The following ST6GALNAC3 variants were observed in gnomAD, a reference collection of about 807,000 sequenced individuals.
ST6GALNAC3 encodes ST6 N-acetylgalactosaminide alpha-2,6-sialyltransferase 3.
ST6GALNAC3 carries 25 observed loss-of-function variants against 32.7 expected under a neutral mutation model. The observed-to-expected ratio is 0.76, with a 90% CI of 0.56 to 1.07. The LOEUF is 1.07. ST6GALNAC3 is among the 50% of genes least tolerant of loss of function. The probability of loss-of-function intolerance (pLI) is 0.00; values close to 1 mark genes in which losing one functional copy is unlikely to be tolerated. For synonymous variants in ST6GALNAC3, 129 were observed against 133.1 expected (o/e 0.97, Z 0.21); for missense variants, 355 against 382.4 (o/e 0.93, Z 0.60).
intron 1 of ST6GALNAC3, among the ~76,000 whole-genome samples, chr1:76,076,257 T>G (rs1012709986): frequency 3.9e-5 from 6 of 152,198 alleles, no homozygotes; most frequent in Non-Finnish European, 8.8e-5. Context: ...GCTGGCCATC[T>G]TTTTCTGTTT....
At chr1:76,358,637 C>G (rs1467146326) in intron 2 of ST6GALNAC3, among the ~76,000 whole-genome samples, 1 of 152,156 alleles carries the variant, frequency 6.6e-6, no homozygotes, top group African/African-American at 2.4e-5. Flanking sequence ...CTTCACTCCT[C>G]TACAGTTACC....
At chr1:76,475,025 T>C (rs1250002059) in intron 3 of ST6GALNAC3, among the ~76,000 whole-genome samples, 1 of 152,174 alleles carries the variant, frequency 6.6e-6, no homozygotes, top group Non-Finnish European at 1.5e-5. Context: ...TTTCCATTTA[T>C]GGGATCTTAG....
At chr1:76,475,902 T>G (rs1349758861) in intron 3 of ST6GALNAC3, among the ~76,000 whole-genome samples, 4 of 152,218 alleles carry the variant, frequency 2.6e-5, no homozygotes, top group Non-Finnish European at 5.9e-5. Flanking sequence ...CACTGTGTCC[T>G]TCTGTTCTCA....
At chr1:76,201,540 C>T (rs1654518289) in intron 1 of ST6GALNAC3, among the ~76,000 whole-genome samples, 1 of 152,080 alleles carries the variant, frequency 6.6e-6, no homozygotes, top group Non-Finnish European at 1.5e-5. Context: ...ATAGGTGGTC[C>T]TATGGCTAGA....
At chr1:76,514,969 T>C (rs1299953280) in intron 3 of ST6GALNAC3, among the ~76,000 whole-genome samples, 1 of 152,164 alleles carries the variant, frequency 6.6e-6, no homozygotes, top group African/African-American at 2.4e-5. Context: ...TATTGGACTT[T>C]AGTTTTCTTT....
intron 1 of ST6GALNAC3, among the ~76,000 whole-genome samples, chr1:76,232,605 T>G (rs905349053): frequency 2.6e-5 from 4 of 152,222 alleles, no homozygotes; most frequent in African/African-American, 9.6e-5. Flanking sequence ...CCTTAAGTCC[T>G]TCCTCTTCCC....
intron 3 of ST6GALNAC3, among the ~76,000 whole-genome samples, chr1:76,492,172 C>T (rs1229824956): frequency 2.0e-5 from 3 of 152,170 alleles, no homozygotes; most frequent in Non-Finnish European, 4.4e-5. Flanking sequence ...TGAGTTAACA[C>T]ATTGTCCTTT....
rs768002958 is a variant in ST6GALNAC3 at position 76,147,041 on chromosome 1, TCTA to T, written c.18+72160_18+72162del. On this transcript the variant is annotated intron_variant, in intron 1 of 4. Coordinates refer to ENST00000328299, the MANE Select transcript of ST6GALNAC3 (RefSeq NM_152996.4). ...TAAACACTACCAACATTAGCTAACT[TCTA>T]CTGATCACTCCCCCCACTTCTTTTT... Among the ~76,000 whole-genome samples, 119 of 151,444 alleles carry T rather than the reference TCTA, an allele frequency of 7.9e-4. 1 individual carries two copies. In the Middle Eastern group the frequency reaches 0.01, roughly 13 times the overall value.
At chr1:76,091,203 G>A (rs557429865) in intron 1 of ST6GALNAC3, among the ~76,000 whole-genome samples, 19 of 152,332 alleles carry the variant, frequency 1.2e-4, no homozygotes, top group African/African-American at 4.6e-4. Flanking sequence ...ATGAAGATAA[G>A]CAAGAATATC....
At chr1:76,456,570 T>C (rs925938490) in intron 3 of ST6GALNAC3, among the ~76,000 whole-genome samples, 1 of 152,170 alleles carries the variant, frequency 6.6e-6, no homozygotes, top group Non-Finnish European at 1.5e-5. Context: ...ATAAATGTAA[T>C]CCAGCATATA....
chr1:76,088,917 T>C (rs1405751158), intron 1 of ST6GALNAC3, among the ~76,000 whole-genome samples: 3 of 152,306 alleles, frequency 2.0e-5, no homozygotes, highest in Admixed American at 6.5e-5. Context: ...ATGGCTGGCA[T>C]TGAGCTGGCT....
At chr1:76,542,011 G>T (rs1006280217) in intron 3 of ST6GALNAC3, among the ~76,000 whole-genome samples, 33 of 152,094 alleles carry the variant, frequency 2.2e-4, no homozygotes, top group African/African-American at 8.0e-4. Flanking sequence ...ACTGCTGTTT[G>T]CTGTTTACTA....
At chr1:76,353,818 C>T (rs1367446866) in intron 2 of ST6GALNAC3, 1 of 152,886 alleles carries the variant, frequency 6.5e-6, no homozygotes, top group South Asian at 2.1e-4. Flanking sequence ...ACTCACCAGT[C>T]ACAAAGACAC....
chr1:76,184,019 T>C lies in ST6GALNAC3; in HGVS notation c.18+109135T>C, dbSNP rs112300404. Among the ~76,000 whole-genome samples, 110 of 152,010 alleles carry C rather than the reference T, an allele frequency of 7.2e-4. 1 individual carries two copies. The highest frequency in any genetic ancestry group is 3.4e-3 in the Middle Eastern group (1 of 294). ...GTGTATTAGTCTATCTTGTTTCTTC[T>C]TGCCACTTTTCTCTCTACTCTGAGC... On this transcript the variant is annotated intron_variant, in intron 1 of 4. Coordinates refer to ENST00000328299, the MANE Select transcript of ST6GALNAC3 (RefSeq NM_152996.4).
Position 76,482,101 on chromosome 1 carries a change from T to A in ST6GALNAC3, c.623+69684T>A, listed in dbSNP as rs184429664. Among the ~76,000 whole-genome samples the A allele has an allele frequency of 2.1e-3, 323 of 151,826 alleles. 1 individual carries two copies. Among genetic ancestry groups the A allele is most frequent in the Non-Finnish European group, 3.4e-3 (233 of 67,954 alleles). ...ACACACCTTTTTATGCTCCAATGAA[T>A]TAGAAATTTCTCAAAGAGAATTTTA... is the stretch of plus-strand genomic sequence containing the variant. On this transcript the variant is annotated intron_variant, in intron 3 of 4. Transcript: ENST00000328299.
intron 2 of ST6GALNAC3, among the ~76,000 whole-genome samples, chr1:76,318,970 CA>C (rs1646918776): frequency 6.6e-6 from 1 of 152,112 alleles, no homozygotes; most frequent in Admixed American, 6.6e-5. Flanking sequence ...ATGAGGGACT[CA>C]GTCATTGTGT....
At chr1:76,554,388 A>G (rs930946941) in intron 3 of ST6GALNAC3, among the ~76,000 whole-genome samples, 3 of 152,140 alleles carry the variant, frequency 2.0e-5, no homozygotes, top group Non-Finnish European at 2.9e-5. Flanking sequence ...GGAGAAACCA[A>G]TTAAGTCAGT....
rs1236524189 is a variant in ST6GALNAC3 at position 76,460,502 on chromosome 1, A to G, written c.623+48085A>G. Among the ~76,000 whole-genome samples, 3 of 152,152 alleles carry G rather than the reference A, an allele frequency of 2.0e-5. No individual in the cohort carries two copies. In the East Asian group the frequency reaches 5.8e-4, roughly 29 times the overall value. On this transcript the variant is annotated intron_variant, in intron 3 of 4. Coordinates refer to ENST00000328299, the MANE Select transcript of ST6GALNAC3 (RefSeq NM_152996.4). The stretch of plus-strand genomic sequence containing the variant: ...CTTTCTTTTCCTTTGATCATTGGTT[A>G]TCTGGTTTCACCTGTCAAGAAATAA...
At chr1:76,406,492 A>G (rs1202107089) in intron 2 of ST6GALNAC3, among the ~76,000 whole-genome samples, 1 of 152,060 alleles carries the variant, frequency 6.6e-6, no homozygotes, top group Non-Finnish European at 1.5e-5. Context: ...TGATTAGTTT[A>G]TCTTAGACTG....
Sources: allele counts gnomAD v4.1 joint callset (sites outside exome capture counted in the v4.1 genomes callset), GRCh38; gene constraint gnomAD v4.1.1; transcripts MANE v1.5; gene names NCBI Gene and HGNC (gene_info 2026-07-23, HGNC 2026-07-21).